Variants in PTPRR observed in about 807,000 individuals in gnomAD.
PTPRR encodes protein tyrosine phosphatase receptor type R.
In PTPRR, 38 loss-of-function variants were observed where a neutral mutation model predicts 77.2. That is an observed-to-expected ratio of 0.49 (90% CI 0.38 to 0.65). The LOEUF (loss-of-function observed/expected upper bound fraction) is 0.65. Ranked by LOEUF, PTPRR falls within the 30% of genes least tolerant of loss-of-function variation. PTPRR has a pLI of 0.00. For missense variants in PTPRR, 744 were observed against 799.2 expected (o/e 0.93, Z 0.83); for synonymous variants, 299 against 283.1 (o/e 1.06, Z -0.57).
intron 2 of PTPRR, among the ~76,000 whole-genome samples, chr12:70,821,119 C>T (rs7956670): frequency 0.083 from 12,493 of 150,500 alleles, 567 homozygotes; most frequent in African/African-American, 0.11. Flanking sequence ...CCATATAGGA[C>T]GATGTCCTCC....
chr12:70,900,120 T>C (rs1394791594), intron 1 of PTPRR, among the ~76,000 whole-genome samples: 2 of 151,432 alleles, frequency 1.3e-5, no homozygotes, highest in African/African-American at 4.8e-5. Flanking sequence ...CAATAAAATA[T>C]CATTAGAATT....
At chr12:70,875,433 G>A (rs1041595304) in intron 2 of PTPRR, among the ~76,000 whole-genome samples, 6 of 152,084 alleles carry the variant, frequency 3.9e-5, no homozygotes, top group Non-Finnish European at 5.9e-5. Flanking sequence ...AGGTTCAATA[G>A]AAGACAATGA....
At position 70,673,395 on chromosome 12, in the gene PTPRR, C is replaced by T. The variant is rs529092420; in HGVS notation, c.1497+10732G>A. Among the ~76,000 whole-genome samples the T allele has an allele frequency of 1.4e-4, 22 of 152,214 alleles. No individual in the cohort carries two copies. The East Asian group carries it at 2.9e-3, about 20-fold the overall frequency. On this transcript the variant is annotated intron_variant, in intron 10 of 13. Coordinates refer to ENST00000283228, the MANE Select transcript of PTPRR (RefSeq NM_002849.4). ...TTGAAATGCTCAAAAGAACAAACAC[C>T]GTAATGTATCTTACACAGTTATTAC...
intron 2 of PTPRR, among the ~76,000 whole-genome samples, chr12:70,870,725 T>C (rs1892944942): frequency 6.6e-6 from 1 of 152,248 alleles, no homozygotes; most frequent in Admixed American, 6.5e-5. Flanking sequence ...TTGCTGATGC[T>C]TGTTAAAGAA....
At chr12:70,878,187 T>C (rs892567949) in intron 2 of PTPRR, among the ~76,000 whole-genome samples, 1 of 152,174 alleles carries the variant, frequency 6.6e-6, no homozygotes, top group African/African-American at 2.4e-5. Flanking sequence ...GACATAGGCA[T>C]GAGCAAGGAC....
intron 2 of PTPRR, among the ~76,000 whole-genome samples, chr12:70,779,890 A>G (rs889450132): frequency 2.0e-5 from 3 of 152,324 alleles, no homozygotes; most frequent in Admixed American, 1.3e-4. Flanking sequence ...TTGATTTAGC[A>G]TAATTTGTAT....
At chr12:70,733,479 A>AAAAAAAAAAAAAAAAAAAAAAAAATT (rs1889753835) in intron 6 of PTPRR, among the ~76,000 whole-genome samples, 3 of 89,408 alleles carry the variant, frequency 3.4e-5, no homozygotes, top group African/African-American at 5.6e-5. Context: ...GCAAAAAAAA[A>AAAAAAAAAAAAAAAAAAAAAAAAATT]AAGAAAAAAA....
chr12:70,824,319 T>A (rs117754116), intron 2 of PTPRR, among the ~76,000 whole-genome samples: 1 of 152,224 alleles, frequency 6.6e-6, no homozygotes, highest in East Asian at 1.9e-4. Context: ...TTTTGGTAAA[T>A]GCTTCTCAAG....
intron 2 of PTPRR, among the ~76,000 whole-genome samples, chr12:70,821,182 T>TAAATGC (rs957418528): frequency 6.9e-5 from 10 of 144,794 alleles, no homozygotes; most frequent in African/African-American, 2.3e-4. Flanking sequence ...ATTGCCCATA[T>TAAATGC]AAATGCAAAA....
At chr12:70,752,579 T>G (rs1461716807) in intron 5 of PTPRR, among the ~76,000 whole-genome samples, 1 of 152,242 alleles carries the variant, frequency 6.6e-6, no homozygotes, top group Non-Finnish European at 1.5e-5. Flanking sequence ...CTGTTTCTGC[T>G]GCCCTTTAGT....
chr12:70,729,299 G>C (rs978184144), intron 6 of PTPRR, among the ~76,000 whole-genome samples: 1 of 152,012 alleles, frequency 6.6e-6, no homozygotes, highest in South Asian at 2.1e-4. Flanking sequence ...CAGATTACAT[G>C]TAGAGATGAT....
chr12:70,815,349 G>A (rs1891884268), intron 2 of PTPRR, among the ~76,000 whole-genome samples: 1 of 152,156 alleles, frequency 6.6e-6, no homozygotes, highest in South Asian at 2.1e-4. Context: ...ACAAGCTTAA[G>A]TGGCCTAATA....
chr12:70,853,461 C>T (rs1035004985), intron 2 of PTPRR, among the ~76,000 whole-genome samples: 4 of 152,202 alleles, frequency 2.6e-5, no homozygotes, highest in African/African-American at 7.2e-5. Context: ...TGGACATTTG[C>T]TTAATGGACA....
chr12:70,825,307 T>A (rs551277297), intron 2 of PTPRR, among the ~76,000 whole-genome samples: 14 of 151,992 alleles, frequency 9.2e-5, no homozygotes, highest in Admixed American at 2.0e-4. Flanking sequence ...AATAAAAAAA[T>A]AAATAAATGT....
At chr12:70,788,375 G>T (rs369806239) in intron 2 of PTPRR, among the ~76,000 whole-genome samples, 214 of 152,328 alleles carry the variant, frequency 1.4e-3, no homozygotes, top group South Asian at 2.9e-3. Context: ...TCTAGATTTA[G>T]TGAATTAACC....
chr12:70,728,353 GA>G (rs142042129), intron 6 of PTPRR, among the ~76,000 whole-genome samples: 14,531 of 113,500 alleles, frequency 0.13, 920 homozygotes, highest in African/African-American at 0.19. Flanking sequence ...TCCAAAATCT[GA>G]AAAAAAAACA....
chr12:70,692,153 T>C (rs1409757649), intron 8 of PTPRR, among the ~76,000 whole-genome samples: 1 of 152,228 alleles, frequency 6.6e-6, no homozygotes, highest in Non-Finnish European at 1.5e-5. Flanking sequence ...GTCTTCAGTA[T>C]GTTAATGGAC....
intron 2 of PTPRR, among the ~76,000 whole-genome samples, chr12:70,864,001 C>T (rs970557382): frequency 6.6e-6 from 1 of 152,052 alleles, no homozygotes; most frequent in Non-Finnish European, 1.5e-5. Context: ...CAGATAGCCT[C>T]GCTGAGATAA....
chr12:70,690,907 G>C (rs1184546170), intron 8 of PTPRR, among the ~76,000 whole-genome samples: 1 of 152,098 alleles, frequency 6.6e-6, no homozygotes, highest in African/African-American at 2.4e-5. Flanking sequence ...GGTACACTCT[G>C]AGCTTTTTGA....
Sources: gnomAD v4.1 joint callset for allele counts (sites outside exome capture counted in the v4.1 genomes callset) on GRCh38, gnomAD v4.1.1 for gene constraint, MANE v1.5 for transcripts, NCBI Gene and HGNC (gene_info 2026-07-23, HGNC 2026-07-21) for gene names.